PLIN4: variants seen among roughly 807,000 people sequenced by gnomAD.
PLIN4 encodes perilipin 4, also known as perilipin-4.
In PLIN4, 57 loss-of-function variants were observed where a neutral mutation model predicts 52.4. The ratio of observed to expected loss-of-function variants is 1.09; its 90% CI spans 0.88 to 1.36. The LOEUF (loss-of-function observed/expected upper bound fraction) is 1.36, where lower values mean the gene tolerates loss of function less well. PLIN4 is among the 40% of genes most tolerant of loss of function. The probability of loss-of-function intolerance (pLI) is 0.00; values close to 1 mark genes in which losing one functional copy is unlikely to be tolerated. For synonymous variants in PLIN4, 826 were observed against 785.4 expected, an observed-to-expected ratio of 1.05 and a Z score of -0.86; for missense variants, 1,757 against 1,770.3, an observed-to-expected ratio of 0.99 and a Z score of 0.13.
At chr19:4,509,235 C>T (rs1306585866) in intron 5 of PLIN4, among the ~76,000 whole-genome samples, 5 of 135,060 alleles carry the variant, frequency 3.7e-5, no homozygotes, top group East Asian at 2.2e-4. Context: ...GGCGTGAACC[C>T]GGGAGGCGGA....
Position 4,511,430 on chromosome 19 carries a change from T to A in PLIN4, c.2530A>T (p.Lys844Ter), listed in dbSNP as rs566881995. 2 of 1,532,286 alleles carry A rather than the reference T, an allele frequency of 1.3e-6. No homozygotes were observed. The highest frequency in any genetic ancestry group is 2.3e-5 in the South Asian group (2 of 87,988). 94.9% of individuals were successfully genotyped at this position (1,532,286 alleles called of 1,614,324 possible). A position where few individuals can be genotyped will look rare whatever the true frequency, so the allele number is the denominator to read the frequency against. ...TTCAGCCCAGTTTGCACAGCACCCT[T>A]GGCCACGTTCGCAGCACCGGTGACC... Reference protein sequence around the residue: ...SGVTGAANVAKGAVQTGLKTT... With the variant: ...SGVTGAANVA Residue 844 changes from lysine (K) to a stop codon, truncating the protein, a stop_gained, in exon 5 of 8, where the codon AAG (lysine) becomes TAG (stop). Transcript: ENST00000301286. LOFTEE classifies it high-confidence loss of function.
chr19:4,512,135 C>G lies in PLIN4; in HGVS notation c.1825G>C (p.Val609Leu). ...DTVTTGLVGAVNVAKGTVQTG... is the reference protein window; with the variant it reads ...DTVTTGLVGALNVAKGTVQTG... The stretch of plus-strand genomic sequence containing the variant: ...TGGACGGTCCCTTTGGCGACATTCA[C>G]TGCCCCCACGAGCCCAGTAGTCACT... Residue 609 changes from valine to leucine, a missense_variant, in exon 5 of 8, where the codon GTG becomes CTG. Coordinates refer to ENST00000301286, the MANE Select transcript of PLIN4 (RefSeq NM_001367868.2). 1 of 1,608,550 alleles carries G rather than the reference C, an allele frequency of 6.2e-7. No individual in the cohort carries two copies. The highest frequency in any genetic ancestry group is 1.1e-5 in the South Asian group (1 of 90,876).
intron 5 of PLIN4, among the ~76,000 whole-genome samples, chr19:4,510,087 G>A (rs1490601486): frequency 6.6e-6 from 1 of 151,636 alleles, no homozygotes; most frequent in Non-Finnish European, 1.5e-5. Context: ...CAAGGGCCCA[G>A]CTGGGCGTGG....
At chr19:4,517,453 G>A in intron 3 of PLIN4, 101 bp downstream of exon 3, 1 of 1,400,908 alleles carries the variant, frequency 7.1e-7, no homozygotes, top group South Asian at 1.4e-5. Context: ...AGACAAATAT[G>A]GAGGACTCCC....
At position 4,510,951 on chromosome 19, in the gene PLIN4, A is replaced by C. The variant is rs764599276; in HGVS notation, c.3009T>G (p.Gly1003=). 1.2e-6 allele frequency: 2 copies of C among 1,613,136 alleles called. No individual in the cohort carries two copies. The highest frequency in any genetic ancestry group is 8.5e-7 in the Non-Finnish European group (1 of 1,179,792). ...TKDTVFSGVT[G]AMSMAKGAVQ... Reference sequence around the variant, plus strand: ...CGGCCCCTTTGGCCATGCTCATGGCACCGGTAACCCCACTGAAGACAGTGT... The same window carrying C: ...CGGCCCCTTTGGCCATGCTCATGGCCCCGGTAACCCCACTGAAGACAGTGT... Residue 1003 remains glycine (G), a synonymous_variant, in exon 5 of 8, where the codon GGT becomes GGG. Transcript: ENST00000301286.
chr19:4,517,432 TG>T, intron 3 of PLIN4, 121 bp downstream of exon 3: 1 of 1,253,962 alleles, frequency 8.0e-7, no homozygotes, highest in African/African-American at 1.5e-5. Context: ...TAGTGTCTGA[TG>T]AGAGCACACA....
At chr19:4,513,961 G>A (rs950002765) in intron 4 of PLIN4, among the ~76,000 whole-genome samples, 5 of 152,146 alleles carry the variant, frequency 3.3e-5, no homozygotes, top group Admixed American at 1.3e-4. Context: ...CCATTCTCAC[G>A]CACCCCCTTT....
At chr19:4,510,331 A>T (rs1599741191) in intron 5 of PLIN4, 115 bp downstream of exon 5, 1 of 1,161,658 alleles carries the variant, frequency 8.6e-7, no homozygotes, top group East Asian at 3.1e-5. Flanking sequence ...ACGCCACTGC[A>T]CTCCAGCCTG....
At chr19:4,508,308 G>C (rs1021302979) in intron 6 of PLIN4, among the ~76,000 whole-genome samples, 3 of 152,138 alleles carry the variant, frequency 2.0e-5, no homozygotes. Flanking sequence ...CCAGGCTGGA[G>C]TGCAGTGGCA....
intron 3 of PLIN4, 80 bp downstream of exon 3, chr19:4,517,474 G>C: frequency 2.7e-6 from 4 of 1,503,600 alleles, no homozygotes; most frequent in Non-Finnish European, 3.6e-6. Flanking sequence ...CAAATGGCTG[G>C]AAGTCCCTGC....
Position 4,502,236 on chromosome 19 carries a change from A to G in PLIN4, c.*2223T>C. The stretch of plus-strand genomic sequence containing the variant: ...ATCACTTTTATTGGCTTGGTTTTCT[A>G]GCATTGCTGGTGCAGTGGGGGCCTG... On this transcript the variant is annotated 3_prime_UTR_variant, in exon 8 of 8. Coordinates refer to ENST00000301286, the MANE Select transcript of PLIN4 (RefSeq NM_001367868.2). The G allele has an allele frequency of 1.6e-6, 1 of 626,632 alleles. No homozygotes were observed. The highest frequency in any genetic ancestry group is 2.5e-5 in the Admixed American group (1 of 40,438). The allele number at this position is 626,632 out of a possible 1,614,324, so 38.8% of individuals were successfully genotyped here. A position where few individuals can be genotyped will look rare whatever the true frequency, so the allele number is the denominator to read the frequency against.
At chr19:4,518,186 G>T (rs1253851775) in intron 2 of PLIN4, 36 bp downstream of exon 2, 2 of 1,231,010 alleles carry the variant, frequency 1.6e-6, no homozygotes, top group Non-Finnish European at 2.0e-6. Flanking sequence ...GCATCTCCAG[G>T]CCCCAGCAAG....
rs1976648383 is a variant in PLIN4, at chr19:4,518,440, G to A, written c.-73C>T. ...GAAGCAGACGCGGCCCCGCTCACCT[G>A]GACTGCGCGGGGTCCCCTGGAGGAC... On this transcript the variant is annotated 5_prime_UTR_variant, in exon 1 of 8. Transcript: ENST00000301286. The A allele has an allele frequency of 1.6e-6, 2 of 1,225,974 alleles. No individual in the cohort carries two copies. The highest frequency in any genetic ancestry group is 2.0e-6 in the Non-Finnish European group (2 of 984,894). The allele number at this position is 1,225,974 out of a possible 1,614,324, so 75.9% of individuals were successfully genotyped here.
At position 4,517,714 on chromosome 19, in the gene PLIN4, G is replaced by A. The variant is rs78269307; in HGVS notation, c.52-16C>T. The stretch of plus-strand genomic sequence containing the variant: ...TGCCCAGGGTCTGCATGGGGGCGGG[G>A]GGTGTGCAGGATGAGCAGGCCAAGC... On this transcript the variant is annotated splice_polypyrimidine_tract_variant and intron_variant, in intron 2 of 7. Transcript: ENST00000301286. The A allele has an allele frequency of 9.7e-3, 15,228 of 1,571,422 alleles. 183 individuals are homozygous for A. Among genetic ancestry groups the A allele is most frequent in the Middle Eastern group, 0.048 (289 of 5,974 alleles).
rs748179647 is a variant in PLIN4 at position 4,512,251 on chromosome 19, G to A, written c.1709C>T (p.Thr570Ile). Residue 570 changes from threonine to isoleucine, a missense_variant, in exon 5 of 8, where the codon ACT becomes ATT. Transcript: ENST00000301286. ...CACATTCGCTGCCCCCGTGAGCCCAGTGGACATCGTGTCTTTTGTACCTAT... is the reference window on the plus strand; with the variant it reads ...CACATTCGCTGCCCCCGTGAGCCCAATGGACATCGTGTCTTTTGTACCTAT... ...VVIGTKDTMS[T>I]GLTGAANVAK... 6.2e-7 allele frequency: 1 copy of A among 1,610,046 alleles called. No homozygotes were observed. The highest frequency in any genetic ancestry group is 1.4e-5 in the African/African-American group (1 of 73,052).
chr19:4,507,118 G>A (rs1217892915), intron 6 of PLIN4, among the ~76,000 whole-genome samples: 1 of 152,226 alleles, frequency 6.6e-6, no homozygotes, highest in East Asian at 1.9e-4. Context: ...CATCCACACT[G>A]AGAACCCTGG....
intron 6 of PLIN4, among the ~76,000 whole-genome samples, chr19:4,507,203 A>G (rs561801161): frequency 2.0e-5 from 3 of 152,382 alleles, no homozygotes; most frequent in South Asian, 2.1e-4. Flanking sequence ...GCTGCACGCC[A>G]GGAATCCTGA....
rs971712575 is a variant in PLIN4 at position 4,511,249 on chromosome 19, C to G, written c.2711G>C (p.Gly904Ala). The G allele has an allele frequency of 2.5e-6, 4 of 1,610,944 alleles. No individual in the cohort carries two copies. In the African/African-American group the frequency reaches 5.4e-5, roughly 22 times the overall value. ...AGTCCCTTTGGCCAAGTTCACAGCC[C>G]CTGTGAGCCCAGTGGACACGGCATC... ...TKDAVSTGLT[G>A]AVNLAKGTVQ... Residue 904 changes from glycine to alanine, a missense_variant, in exon 5 of 8, where the codon GGG becomes GCG. Gly to Ala is a moderately conservative substitution (Grantham distance 60, BLOSUM62 0). This residue lies in a region of PLIN4 where 712 missense variants were observed against 637.1 expected (regional missense o/e 1.12). Transcript: ENST00000301286.
rs934409048 is a variant in PLIN4 at position 4,504,396 on chromosome 19, C to T, written c.*63G>A. The T allele has an allele frequency of 6.4e-6, 9 of 1,405,596 alleles. No individual in the cohort carries two copies. The highest frequency in any genetic ancestry group is 5.8e-5 in the African/African-American group (4 of 69,428). 87.1% of individuals were successfully genotyped at this position (1,405,596 alleles called of 1,614,324 possible). On this transcript the variant is annotated 3_prime_UTR_variant, in exon 8 of 8. Coordinates refer to ENST00000301286, the MANE Select transcript of PLIN4 (RefSeq NM_001367868.2). ...CAGGTTTGGGGGCGGGGAGAAAGTT[C>T]TGAGGCAGCTCCTCCCTGGACAGAG...
Sources: gnomAD v4.1 joint callset for allele counts (sites outside exome capture counted in the v4.1 genomes callset) on GRCh38, gnomAD v4.1.1 for gene constraint, gnomAD v4.1.1 regional missense constraint, MANE v1.5 for transcripts, NCBI Gene and HGNC (gene_info 2026-07-23, HGNC 2026-07-21) for gene names.